Variants in TTC28 observed in about 807,000 individuals in gnomAD.
TTC28 encodes tetratricopeptide repeat domain 28.
A neutral mutation model predicts 198.0 loss-of-function variants in TTC28; 61 were observed. That is an observed-to-expected ratio of 0.31 (90% CI 0.25 to 0.38). The LOEUF is 0.38. Ranked by LOEUF, TTC28 falls within the 10% of genes least tolerant of loss-of-function variation. The pLI is 1.00. For missense variants in TTC28, 2,678 were observed against 3,164.0 expected, an observed-to-expected ratio of 0.85 and a Z score of 3.69; for synonymous variants, 1,171 against 1,297.8, an observed-to-expected ratio of 0.90 and a Z score of 2.10.
At chr22:28,577,798 G>C (rs887846844) in intron 2 of TTC28, among the ~76,000 whole-genome samples, 2 of 151,486 alleles carry the variant, frequency 1.3e-5, no homozygotes, top group African/African-American at 4.8e-5. Flanking sequence ...GCTCTTTTTT[G>C]GTTTCCATTT....
chr22:28,602,459 T>C (rs1312061235), intron 2 of TTC28, among the ~76,000 whole-genome samples: 2 of 152,214 alleles, frequency 1.3e-5, no homozygotes, highest in Non-Finnish European at 2.9e-5. Context: ...ACTGTGGTTT[T>C]ATATCAATGT....
rs180735413 is a variant in TTC28 at position 28,520,069 on chromosome 22, A to G, written c.381+109483T>C. On this transcript the variant is annotated intron_variant, in intron 2 of 22. Coordinates refer to ENST00000397906, the MANE Select transcript of TTC28 (RefSeq NM_001145418.2). The stretch of plus-strand genomic sequence containing the variant: ...CAATAAGACAAATTGATTTACACAA[A>G]AGCCAGTTTCTATAGTTCCAAATGG... Among the ~76,000 whole-genome samples, 448 of 152,328 alleles carry G rather than the reference A, an allele frequency of 2.9e-3. 2 individuals carry two copies. Among genetic ancestry groups the G allele is most frequent in the African/African-American group, 0.01 (416 of 41,582 alleles).
chr22:28,095,332 G>T (rs1378160792), intron 11 of TTC28, among the ~76,000 whole-genome samples: 1 of 151,750 alleles, frequency 6.6e-6, no homozygotes, highest in Non-Finnish European at 1.5e-5. Flanking sequence ...CAAATGCTCA[G>T]AGCCTAAAAG....
intron 2 of TTC28, among the ~76,000 whole-genome samples, chr22:28,455,407 C>T (rs1320028982): frequency 6.6e-6 from 1 of 152,126 alleles, no homozygotes; most frequent in Non-Finnish European, 1.5e-5. Flanking sequence ...TGCAACACTA[C>T]TGATTCTAAA....
At chr22:27,990,688 C>T in intron 20 of TTC28, 101 bp downstream of exon 20, 3 of 1,191,730 alleles carry the variant, frequency 2.5e-6, no homozygotes, top group Non-Finnish European at 2.3e-6. Context: ...CTCCGTTTGA[C>T]AGCACGTGCA....
At chr22:28,100,131 T>C (rs1942100830) in intron 9 of TTC28, among the ~76,000 whole-genome samples, 1 of 152,208 alleles carries the variant, frequency 6.6e-6, no homozygotes, top group Non-Finnish European at 1.5e-5. Context: ...GGAAACTCAG[T>C]ATCAAATTTT....
chr22:28,481,619 G>T (rs2048247971), intron 2 of TTC28, among the ~76,000 whole-genome samples: 3 of 152,140 alleles, frequency 2.0e-5, no homozygotes, highest in Non-Finnish European at 4.4e-5. Context: ...ATGAGATTAG[G>T]TAAATAGATG....
intron 1 of TTC28, among the ~76,000 whole-genome samples, chr22:28,636,866 T>C (rs1255932735): frequency 2.0e-5 from 3 of 151,980 alleles, no homozygotes; most frequent in East Asian, 1.9e-4. Context: ...TGTGGAAAAA[T>C]TTTTAGTTTG....
intron 2 of TTC28, among the ~76,000 whole-genome samples, chr22:28,403,710 T>C (rs1466920032): frequency 2.0e-5 from 3 of 152,194 alleles, no homozygotes; most frequent in Non-Finnish European, 4.4e-5. Flanking sequence ...GTCTCGCAAA[T>C]GCCCATTTTG....
intron 2 of TTC28, among the ~76,000 whole-genome samples, chr22:28,591,945 T>C (rs2050442003): frequency 6.6e-6 from 1 of 151,906 alleles, no homozygotes; most frequent in African/African-American, 2.4e-5. Flanking sequence ...GAATAAAAGA[T>C]GGTAGAGGGC....
chr22:27,990,632 A>C (rs470100), intron 20 of TTC28, among the ~76,000 whole-genome samples, 157 bp downstream of exon 20: 25 of 151,874 alleles, frequency 1.6e-4, no homozygotes, highest in Non-Finnish European at 2.6e-4. Flanking sequence ...ACGGGCCGCC[A>C]GTCCAGCAGC....
chr22:27,988,630 A>T lies in TTC28; in HGVS notation c.5707+1248T>A, dbSNP rs550966438. Among the ~76,000 whole-genome samples the T allele has an allele frequency of 1.6e-4, 24 of 152,182 alleles. 2 individuals are homozygous for T. The highest frequency in any genetic ancestry group is 8.3e-4 in the South Asian group (4 of 4,828). ...AGGATTCTCTGTCGGGCCATGTCTG[A>T]CAGCTCATCCATGTAACAGTGAGGT... On this transcript the variant is annotated intron_variant, in intron 21 of 22. Transcript: ENST00000397906.
chr22:28,062,555 G>A (rs1176853240), intron 12 of TTC28, among the ~76,000 whole-genome samples: 3 of 150,900 alleles, frequency 2.0e-5, no homozygotes, highest in Admixed American at 6.7e-5. Context: ...CTGTAGACTT[G>A]AACTCCTGGG....
At chr22:28,657,771 T>G (rs1366717234) in intron 1 of TTC28, among the ~76,000 whole-genome samples, 2 of 151,942 alleles carry the variant, frequency 1.3e-5, no homozygotes, top group African/African-American at 4.8e-5. Context: ...CCCAGCTACT[T>G]GGGAGGCTGA....
Position 28,030,272 on chromosome 22 carries a change from G to C in TTC28, c.4027C>G (p.Pro1343Ala), listed in dbSNP as rs1939021802. 6.4e-7 allele frequency: 1 copy of C among 1,551,640 alleles called. No homozygotes were observed. The highest frequency in any genetic ancestry group is 2.0e-5 in the Admixed American group (1 of 50,992). The part of the protein sequence containing the change: ...MNNKLNSVTD[P>A]TGFLRMVRRN... ...CGAACCATCCGCAGAAAGCCAGTGG[G>C]GTCAGTGACCGAGTTGAGTTTGTTG... Residue 1343 changes from proline to alanine, a missense_variant, in exon 13 of 23, where the codon CCC (proline) becomes GCC (alanine). Pro to Ala is a conservative substitution (Grantham distance 27, BLOSUM62 -1). Around this residue, in one of 8 missense-constraint regions of TTC28, gnomAD observed 727 missense variants for 861.9 expected, o/e 0.84. Transcript: ENST00000397906.
chr22:27,990,478 C>T (rs982769592), intron 20 of TTC28, among the ~76,000 whole-genome samples: 1 of 152,204 alleles, frequency 6.6e-6, no homozygotes. Flanking sequence ...TCTGTGGCCT[C>T]TCCTCAGGGG....
chr22:28,403,306 T>A (rs2046948153), intron 2 of TTC28, among the ~76,000 whole-genome samples: 1 of 152,180 alleles, frequency 6.6e-6, no homozygotes, highest in Admixed American at 6.5e-5. Context: ...TTTGTCTTCA[T>A]CACAGATGAT....
intron 5 of TTC28, among the ~76,000 whole-genome samples, chr22:28,217,260 T>C (rs1019668434): frequency 6.6e-6 from 1 of 151,208 alleles, no homozygotes; most frequent in Non-Finnish European, 1.5e-5. Context: ...ATACCTACTA[T>C]GCACATGCAA....
intron 1 of TTC28, among the ~76,000 whole-genome samples, chr22:28,646,028 T>C (rs908718179): frequency 6.6e-6 from 1 of 152,038 alleles, no homozygotes; most frequent in African/African-American, 2.4e-5. Context: ...ATGATGCCCA[T>C]TTTCACCAGT....
Sources: gnomAD v4.1 joint callset for allele counts (sites outside exome capture counted in the v4.1 genomes callset) on GRCh38, gnomAD v4.1.1 for gene constraint, gnomAD v4.1.1 regional missense constraint, MANE v1.5 for transcripts, NCBI Gene and HGNC (gene_info 2026-07-23, HGNC 2026-07-21) for gene names.